Variants in DSE observed in about 807,000 individuals in gnomAD.
The protein encoded by DSE is dermatan-sulfate epimerase.
A neutral mutation model predicts 84.4 loss-of-function variants in DSE; 36 were observed. The observed-to-expected ratio is 0.43, with a 90% CI of 0.33 to 0.56. DSE has a LOEUF of 0.56. DSE is among the 20% of genes least tolerant of loss of function. DSE has a pLI of 0.06. For missense variants in DSE, 862 were observed against 1,169.6 expected, an observed-to-expected ratio of 0.74 and a Z score of 3.84; for synonymous variants, 410 against 430.1, an observed-to-expected ratio of 0.95 and a Z score of 0.58.
chr6:116,394,339 C>T (rs986257139), intron 1 of DSE, among the ~76,000 whole-genome samples: 3 of 152,086 alleles, frequency 2.0e-5, no homozygotes, highest in Non-Finnish European at 2.9e-5. Context: ...TCATAATTCA[C>T]GTGGCTTGGC....
At chr6:116,267,896 C>A (rs561937503) in intron 2 of DSE, among the ~76,000 whole-genome samples, 41 of 152,218 alleles carry the variant, frequency 2.7e-4, no homozygotes, top group Admixed American at 7.2e-4. Flanking sequence ...TACTTTTAAA[C>A]CCCCAGATCT....
At chr6:116,388,092 T>C (rs1780676656) in intron 1 of DSE, among the ~76,000 whole-genome samples, 1 of 152,176 alleles carries the variant, frequency 6.6e-6, no homozygotes, top group South Asian at 2.1e-4. Context: ...TATCTATATC[T>C]AGAATTGGCT....
intron 2 of DSE, among the ~76,000 whole-genome samples, chr6:116,359,416 C>T (rs1778760498): frequency 6.6e-6 from 1 of 152,020 alleles, no homozygotes. Context: ...AATCATAAGT[C>T]TTAAGGATTT....
chr6:116,412,593 T>G (rs990141568), intron 2 of DSE: 2 of 152,226 alleles, frequency 1.3e-5, no homozygotes, highest in Non-Finnish European at 2.9e-5. Flanking sequence ...GCTTTGAAAC[T>G]TTTTCACTGT....
chr6:116,258,824 C>A (rs1186710385), exon 2 of DSE: 3 of 1,608,318 alleles, frequency 1.9e-6, no homozygotes, highest in Non-Finnish European at 2.6e-6. Context: ...TGTATGACCT[C>A]GAAGGCATGC....
chr6:116,255,709 TC>T (rs1417620873), intron 1 of DSE: 1 of 152,380 alleles, frequency 6.6e-6, no homozygotes, highest in East Asian at 1.9e-4. Flanking sequence ...CTGTTTCTTT[TC>T]CAAAGAACCT....
chr6:116,386,837 A>T (rs906537973), intron 1 of DSE, among the ~76,000 whole-genome samples: 1 of 152,196 alleles, frequency 6.6e-6, no homozygotes, highest in African/African-American at 2.4e-5. Flanking sequence ...GGTTTGAGCA[A>T]TTCAGGTCTG....
intron 2 of DSE, among the ~76,000 whole-genome samples, chr6:116,290,479 C>T (rs1227229848): frequency 1.3e-5 from 2 of 152,086 alleles, no homozygotes; most frequent in Admixed American, 6.6e-5. Context: ...ATATCTCCTG[C>T]TACTGCTGAT....
At chr6:116,433,029 T>A in intron 4 of DSE, 3 of 316,344 alleles carry the variant, frequency 9.5e-6, no homozygotes, top group Middle Eastern at 1.0e-3. Flanking sequence ...CCCATGTATA[T>A]ATGCAAATAT....
intron 2 of DSE, chr6:116,279,151 A>G (rs770187554): frequency 3.7e-6 from 6 of 1,613,902 alleles, no homozygotes; most frequent in Non-Finnish European, 4.2e-6. Context: ...GTCCATGCGG[A>G]GAGCCTCATG....
intron 2 of DSE, among the ~76,000 whole-genome samples, chr6:116,316,661 C>G (rs1775994232): frequency 6.6e-6 from 1 of 151,846 alleles, no homozygotes; most frequent in African/African-American, 2.4e-5. Flanking sequence ...GCGGAATGAC[C>G]TGAAATGACA....
At chr6:116,346,411 C>T (rs1053129944) in intron 2 of DSE, among the ~76,000 whole-genome samples, 4 of 152,178 alleles carry the variant, frequency 2.6e-5, no homozygotes, top group Admixed American at 1.3e-4. Context: ...CATCAAAAAG[C>T]TTATCCACCA....
chr6:116,346,646 A>G (rs906032131), intron 2 of DSE, among the ~76,000 whole-genome samples: 2 of 152,200 alleles, frequency 1.3e-5, no homozygotes, highest in African/African-American at 4.8e-5. Context: ...ATTTATGACA[A>G]ACCCACAGCC....
intron 2 of DSE, among the ~76,000 whole-genome samples, chr6:116,296,308 T>TA (rs1774661210): frequency 6.6e-6 from 1 of 152,244 alleles, no homozygotes; most frequent in Non-Finnish European, 1.5e-5. Context: ...TGTTTACTGT[T>TA]ACGTATTTTC....
intron 2 of DSE, among the ~76,000 whole-genome samples, chr6:116,274,338 C>A (rs1447680862): frequency 6.6e-6 from 1 of 151,890 alleles, no homozygotes; most frequent in Non-Finnish European, 1.5e-5. Context: ...GAGGCAGGCA[C>A]ATCGCCTGAG....
At chr6:116,306,408 C>T (rs918311952) in intron 2 of DSE, among the ~76,000 whole-genome samples, 1 of 152,164 alleles carries the variant, frequency 6.6e-6, no homozygotes, top group Non-Finnish European at 1.5e-5. Flanking sequence ...ACATTATGCT[C>T]AGGGAGTTTC....
chr6:116,397,690 T>A (rs988826599), intron 1 of DSE, among the ~76,000 whole-genome samples: 1 of 152,264 alleles, frequency 6.6e-6, no homozygotes, highest in African/African-American at 2.4e-5. Flanking sequence ...GCCTTGAGAC[T>A]TTGGGTGCTA....
intron 3 of DSE, among the ~76,000 whole-genome samples, chr6:116,428,836 A>G (rs1399803075): frequency 3.3e-5 from 5 of 152,190 alleles, no homozygotes; most frequent in African/African-American, 4.8e-5. Flanking sequence ...TGGATAGGAG[A>G]ACTTAAGGGG....
At chr6:116,327,789 G>A (rs1776708144) in intron 2 of DSE, among the ~76,000 whole-genome samples, 1 of 152,114 alleles carries the variant, frequency 6.6e-6, no homozygotes, top group African/African-American at 2.4e-5. Context: ...AATTTTGAGG[G>A]CAGTTGAAAC....
Sources: allele counts gnomAD v4.1 joint callset (sites outside exome capture counted in the v4.1 genomes callset), GRCh38; gene constraint gnomAD v4.1.1; transcripts MANE v1.5; gene names NCBI Gene and HGNC (gene_info 2026-07-23, HGNC 2026-07-21).